The following SPAG16 variants were observed in gnomAD, a reference collection of about 807,000 sequenced individuals.
The protein encoded by SPAG16 is sperm associated antigen 16, also known as sperm-associated antigen 16 protein.
SPAG16 carries 86 observed loss-of-function variants against 80.4 expected under a neutral mutation model. The observed-to-expected ratio is 1.07, with a 90% CI of 0.90 to 1.28. The LOEUF (loss-of-function observed/expected upper bound fraction) is 1.28. Ranked by LOEUF, SPAG16 falls within the 50% of genes most tolerant of loss-of-function variation. The pLI, the probability that SPAG16 is intolerant of heterozygous loss-of-function variation, is 0.00. For missense variants in SPAG16, 870 were observed against 765.3 expected, an observed-to-expected ratio of 1.14 and a Z score of -1.61; for synonymous variants, 294 against 265.9, an observed-to-expected ratio of 1.11 and a Z score of -1.03.
intron 3 of SPAG16, among the ~76,000 whole-genome samples, chr2:213,301,764 A>G (rs2062749539): frequency 2.0e-5 from 3 of 151,936 alleles, no homozygotes; most frequent in Non-Finnish European, 4.4e-5. Flanking sequence ...TGCCTTCTTG[A>G]TATGCTTCCT....
At chr2:213,455,452 G>T (rs994611522) in intron 9 of SPAG16, among the ~76,000 whole-genome samples, 2 of 152,102 alleles carry the variant, frequency 1.3e-5, no homozygotes, top group Non-Finnish European at 2.9e-5. Flanking sequence ...ATGGACACCC[G>T]AAATTCCAGA....
At chr2:213,562,149 G>A (rs1220700675) in intron 10 of SPAG16, among the ~76,000 whole-genome samples, 2 of 152,136 alleles carry the variant, frequency 1.3e-5, no homozygotes, top group Non-Finnish European at 2.9e-5. Flanking sequence ...GCAAATAGAA[G>A]ACATTTTACC....
chr2:213,739,686 C>T (rs532343779), intron 10 of SPAG16, among the ~76,000 whole-genome samples: 1 of 152,296 alleles, frequency 6.6e-6, no homozygotes, highest in African/African-American at 2.4e-5. Context: ...ACTGCAACCT[C>T]TCCCTCCCAG....
intron 15 of SPAG16, among the ~76,000 whole-genome samples, chr2:214,398,871 A>G (rs1201602092): frequency 6.6e-6 from 1 of 152,192 alleles, no homozygotes; most frequent in Admixed American, 6.5e-5. Flanking sequence ...TGTTATCTTA[A>G]TGGAGGTCTT....
chr2:213,882,721 A>T (rs75439415), intron 11 of SPAG16, among the ~76,000 whole-genome samples: 2,173 of 152,208 alleles, frequency 0.014, 44 homozygotes, highest in African/African-American at 0.049. Context: ...TGGTCTATTC[A>T]TCTAATTTTT....
chr2:213,520,923 G>T (rs1273505087), intron 10 of SPAG16, among the ~76,000 whole-genome samples: 1 of 152,126 alleles, frequency 6.6e-6, no homozygotes, highest in Non-Finnish European at 1.5e-5. Flanking sequence ...ATCCTCAGAG[G>T]TCCTACCATT....
intron 11 of SPAG16, among the ~76,000 whole-genome samples, chr2:213,871,075 C>T (rs533747473): frequency 3.0e-4 from 46 of 152,236 alleles, no homozygotes; most frequent in Admixed American, 2.6e-3. Flanking sequence ...CAAACACACA[C>T]ACATACCATT....
chr2:213,837,530 A>G (rs2074150026), intron 10 of SPAG16, among the ~76,000 whole-genome samples: 1 of 152,222 alleles, frequency 6.6e-6, no homozygotes, highest in Admixed American at 6.5e-5. Context: ...CCCCGGTAAA[A>G]TGTTGCTATT....
At chr2:214,183,899 A>G (rs779673899) in intron 15 of SPAG16, among the ~76,000 whole-genome samples, 42 of 152,116 alleles carry the variant, frequency 2.8e-4, no homozygotes, top group Non-Finnish European at 4.6e-4. Context: ...TTTAAGCTCC[A>G]TACAGGATAA....
intron 10 of SPAG16, among the ~76,000 whole-genome samples, chr2:213,710,360 C>A (rs578134264): frequency 2.9e-4 from 44 of 151,124 alleles, no homozygotes; most frequent in African/African-American, 9.5e-4. Flanking sequence ...AATTCATAAA[C>A]AATTACGTCA....
chr2:213,474,884 C>T (rs1229877354), intron 9 of SPAG16, among the ~76,000 whole-genome samples: 4 of 152,138 alleles, frequency 2.6e-5, no homozygotes, highest in Non-Finnish European at 5.9e-5. Context: ...TCTCCTTTGG[C>T]AATACCCTCA....
intron 9 of SPAG16, among the ~76,000 whole-genome samples, chr2:213,457,170 AC>A (rs1320085699): frequency 6.6e-6 from 1 of 152,118 alleles, no homozygotes; most frequent in Admixed American, 6.5e-5. Context: ...AATCCTGTCT[AC>A]CAGGAAATTG....
chr2:213,798,784 A>G (rs12620411), intron 10 of SPAG16, among the ~76,000 whole-genome samples: 91,585 of 152,032 alleles, frequency 0.6, 29,617 homozygotes, highest in South Asian at 0.86. Flanking sequence ...AGAAATTTAT[A>G]TTTTTACAAT....
chr2:214,106,869 C>T (rs1217757883), intron 13 of SPAG16, among the ~76,000 whole-genome samples: 1 of 152,154 alleles, frequency 6.6e-6, no homozygotes, highest in Admixed American at 6.6e-5. Context: ...TACTTGGAGA[C>T]ATTTGCTCTA....
chr2:214,279,563 T>C (rs532967889), intron 15 of SPAG16, among the ~76,000 whole-genome samples: 1 of 152,234 alleles, frequency 6.6e-6, no homozygotes, highest in East Asian at 1.9e-4. Flanking sequence ...ACAGCAAGGC[T>C]TTTGGAATTC....
intron 10 of SPAG16, among the ~76,000 whole-genome samples, chr2:213,722,281 A>G (rs2066564792): frequency 1.3e-5 from 2 of 152,218 alleles, no homozygotes; most frequent in Admixed American, 6.5e-5. Flanking sequence ...ACTCAGAACA[A>G]AGTATCTCTT....
intron 15 of SPAG16, among the ~76,000 whole-genome samples, chr2:214,293,869 G>A (rs565599839): frequency 1.3e-5 from 2 of 152,320 alleles, no homozygotes; most frequent in Non-Finnish European, 2.9e-5. Context: ...TACAACCAGG[G>A]AAGGTGGGGC....
At chr2:214,335,483 T>C (rs143770547) in intron 15 of SPAG16, among the ~76,000 whole-genome samples, 1 of 136,452 alleles carries the variant, frequency 7.3e-6, no homozygotes, top group Non-Finnish European at 1.7e-5. Context: ...TATATATATA[T>C]AGATATATAT....
At chr2:213,601,642 C>A (rs1385277829) in intron 10 of SPAG16, among the ~76,000 whole-genome samples, 2 of 151,940 alleles carry the variant, frequency 1.3e-5, no homozygotes, top group African/African-American at 4.9e-5. Flanking sequence ...ATATTTAGGT[C>A]AACAATCAGC....
Sources: allele counts gnomAD v4.1 joint callset (sites outside exome capture counted in the v4.1 genomes callset), GRCh38; gene constraint gnomAD v4.1.1; transcripts MANE v1.5; gene names NCBI Gene and HGNC (gene_info 2026-07-23, HGNC 2026-07-21).